KAZN: variants seen among roughly 807,000 people sequenced by gnomAD.
The protein encoded by KAZN is kazrin, periplakin interacting protein, also known as kazrin.
KAZN carries 40 observed loss-of-function variants against 87.4 expected under a neutral mutation model. The observed-to-expected ratio is 0.46, with a 90% CI of 0.36 to 0.60. The LOEUF (loss-of-function observed/expected upper bound fraction) is 0.60. KAZN is among the 20% of genes least tolerant of loss of function. The pLI is 0.00. For synonymous variants in KAZN, 466 were observed against 458.3 expected (o/e 1.02, Z -0.22); for missense variants, 898 against 1,073.9 (o/e 0.84, Z 2.29).
intron 2 of KAZN, among the ~76,000 whole-genome samples, chr1:14,566,291 G>A (rs957496713): frequency 6.6e-6 from 1 of 152,180 alleles, no homozygotes; most frequent in Non-Finnish European, 1.5e-5. Flanking sequence ...GTAATATTTT[G>A]AGAGAATCTT....
chr1:14,235,201 TAAAC>T (rs1648289256), intron 2 of KAZN, among the ~76,000 whole-genome samples: 1 of 151,928 alleles, frequency 6.6e-6, no homozygotes, highest in African/African-American at 2.4e-5. Flanking sequence ...TATTCATCCA[TAAAC>T]AAAATGTGGT....
At chr1:14,808,513 G>T (rs1391700181) in intron 1 of KAZN, among the ~76,000 whole-genome samples, 1 of 151,210 alleles carries the variant, frequency 6.6e-6, no homozygotes, top group Non-Finnish European at 1.5e-5. Flanking sequence ...GGCTGGGCTG[G>T]TCTCAAACTC....
At chr1:14,419,814 G>A (rs1455724321) in intron 2 of KAZN, among the ~76,000 whole-genome samples, 1 of 152,044 alleles carries the variant, frequency 6.6e-6, no homozygotes, top group African/African-American at 2.4e-5. Flanking sequence ...GGTGGGTTCG[G>A]GGTCTCGCTG....
rs535912669 is a variant in KAZN at position 15,019,537 on chromosome 1, C to T, written c.419-15212C>T. 4.6e-5 allele frequency among the ~76,000 whole-genome samples: 7 copies of T among 152,068 alleles called. No individual in the cohort carries two copies. In the South Asian group the frequency reaches 1.2e-3, roughly 27 times the overall value. ...CCTAGTATCTGGGATTACAAGCGCC[C>T]GCCACCACGCCAAGCTAATTTTTGT... On this transcript the variant is annotated intron_variant, in intron 2 of 14. Coordinates refer to ENST00000376030, the MANE Select transcript of KAZN (RefSeq NM_201628.3).
intron 1 of KAZN, among the ~76,000 whole-genome samples, chr1:14,090,093 G>T (rs952738433): frequency 6.6e-6 from 1 of 151,550 alleles, no homozygotes; most frequent in Non-Finnish European, 1.5e-5. Context: ...TTTGTGACTG[G>T]CATGTTTTTC....
chr1:15,069,510 A>T (rs1455224482), intron 8 of KAZN, among the ~76,000 whole-genome samples: 1 of 152,170 alleles, frequency 6.6e-6, no homozygotes, highest in Admixed American at 6.5e-5. Context: ...TTTTAAAAGA[A>T]TCTTCTCCAG....
intron 1 of KAZN, among the ~76,000 whole-genome samples, chr1:13,976,578 T>C (rs969793373): frequency 3.3e-5 from 5 of 151,968 alleles, no homozygotes; most frequent in South Asian, 4.2e-4. Context: ...TCAGTTCTCA[T>C]TGGCAGCATT....
intron 2 of KAZN, among the ~76,000 whole-genome samples, chr1:14,392,098 G>A (rs758083759): frequency 1.3e-5 from 2 of 152,164 alleles, no homozygotes; most frequent in Non-Finnish European, 2.9e-5. Context: ...GAGGTGTGAA[G>A]AGTGTAGCCA....
intron 3 of KAZN, among the ~76,000 whole-genome samples, chr1:15,035,148 G>T (rs116110288): frequency 6.6e-6 from 1 of 152,040 alleles, no homozygotes; most frequent in African/African-American, 2.4e-5. Flanking sequence ...GTGTGCCCTC[G>T]CAGGTCTCGC....
chr1:14,557,386 TA>T (rs549954983), intron 2 of KAZN, among the ~76,000 whole-genome samples: 1 of 152,082 alleles, frequency 6.6e-6, no homozygotes, highest in Admixed American at 6.5e-5. Context: ...GTCCCTGGAC[TA>T]AAAATCAAAA....
intron 1 of KAZN, among the ~76,000 whole-genome samples, chr1:13,907,510 T>C (rs1362287862): frequency 6.6e-6 from 1 of 151,204 alleles, no homozygotes; most frequent in Non-Finnish European, 1.5e-5. Context: ...TGTGTGTGTG[T>C]TGGGTGGGTG....
intron 2 of KAZN, among the ~76,000 whole-genome samples, chr1:14,346,772 C>T (rs1658138284): frequency 6.6e-6 from 1 of 152,084 alleles, no homozygotes; most frequent in Non-Finnish European, 1.5e-5. Context: ...CTAAGATTTA[C>T]CTGTGAGGTG....
In KAZN at chr1:14,912,083, C is replaced by T. The variant is rs555025286; in HGVS notation, c.227-48601C>T. On this transcript the variant is annotated intron_variant, in intron 1 of 14. Transcript: ENST00000376030. The stretch of plus-strand genomic sequence containing the variant: ...AGGAGAATCACTTGAACCTGGGAGG[C>T]AGAGGTTGCAGTGATCACACAACTG... Among the ~76,000 whole-genome samples, 198 of 134,236 alleles carry T rather than the reference C, an allele frequency of 1.5e-3. 2 individuals are homozygous for T. The highest frequency in any genetic ancestry group is 5.1e-3 in the African/African-American group (177 of 34,990). The allele number at this position is 134,236 out of a possible 152,430, so 88.1% of individuals were successfully genotyped here. A position where few individuals can be genotyped will look rare whatever the true frequency, so the allele number is the denominator to read the frequency against.
chr1:14,966,262 G>A (rs1440776997), intron 2 of KAZN, among the ~76,000 whole-genome samples: 2 of 152,164 alleles, frequency 1.3e-5, no homozygotes, highest in African/African-American at 4.8e-5. Flanking sequence ...TTACAGGCGT[G>A]AGACACCTTG....
At chr1:14,190,698 T>C (rs72865719) in intron 2 of KAZN, among the ~76,000 whole-genome samples, 3,345 of 152,176 alleles carry the variant, frequency 0.022, 129 homozygotes, top group African/African-American at 0.076. Context: ...GAGCTAGCTG[T>C]CTGGAGGGTG....
intron 1 of KAZN, among the ~76,000 whole-genome samples, chr1:14,127,417 T>C (rs6675543): frequency 0.57 from 82,192 of 145,110 alleles, 24,555 homozygotes; most frequent in East Asian, 0.77. Context: ...TTTTTTTTGG[T>C]CTGAGTGTGT....
At chr1:14,590,705 C>T (rs1676141740) in intron 2 of KAZN, among the ~76,000 whole-genome samples, 1 of 152,192 alleles carries the variant, frequency 6.6e-6, no homozygotes, top group Non-Finnish European at 1.5e-5. Context: ...TCACCATCAC[C>T]ATCATCTCCA....
At chr1:14,418,249 TCCA>T (rs1380906542) in intron 2 of KAZN, among the ~76,000 whole-genome samples, 2 of 152,068 alleles carry the variant, frequency 1.3e-5, no homozygotes, top group East Asian at 3.9e-4. Context: ...GATTTTTAAC[TCCA>T]CAAGTTCCTA....
At chr1:14,468,128 A>G (rs2148363754) in intron 2 of KAZN, among the ~76,000 whole-genome samples, 1 of 152,284 alleles carries the variant, frequency 6.6e-6, no homozygotes, top group Middle Eastern at 3.4e-3. Flanking sequence ...TCTACTACAC[A>G]TGGTTTTTGG....
Sources: allele counts gnomAD v4.1 joint callset (sites outside exome capture counted in the v4.1 genomes callset), GRCh38; gene constraint gnomAD v4.1.1; transcripts MANE v1.5; gene names NCBI Gene and HGNC (gene_info 2026-07-23, HGNC 2026-07-21).